Variants in TBC1D22A observed in about 807,000 individuals in gnomAD.
TBC1D22A encodes putative GTPase activator.
TBC1D22A carries 38 observed loss-of-function variants against 60.2 expected under a neutral mutation model. The observed-to-expected ratio is 0.63, with a 90% CI of 0.49 to 0.83. The LOEUF (loss-of-function observed/expected upper bound fraction) is 0.83, where lower values mean the gene tolerates loss of function less well. Among genes scored for constraint, TBC1D22A ranks in the 40% least tolerant of loss-of-function variants. TBC1D22A has a pLI of 0.00. For synonymous variants in TBC1D22A, 302 were observed against 281.7 expected (o/e 1.07, Z -0.72); for missense variants, 628 against 701.0 (o/e 0.90, Z 1.18).
intron 12 of TBC1D22A, among the ~76,000 whole-genome samples, chr22:47,135,518 C>T (rs1246440441): frequency 1.3e-5 from 2 of 152,100 alleles, no homozygotes; most frequent in Non-Finnish European, 2.9e-5. Context: ...TTGGGCACTG[C>T]AGAGAGTTCC....
intron 11 of TBC1D22A, among the ~76,000 whole-genome samples, chr22:47,076,364 TATATATATATATATATAC>T (rs1184350313): frequency 1.1e-5 from 1 of 94,784 alleles, no homozygotes; most frequent in Non-Finnish European, 2.0e-5. Context: ...TGTGTGTGTA[TATATATATATATATATAC>T]ACACACACAC....
chr22:46,881,665 G>C lies in TBC1D22A; in HGVS notation c.708+2942G>C, dbSNP rs866131554. 3.9e-5 allele frequency among the ~76,000 whole-genome samples: 6 copies of C among 152,352 alleles called. 1 individual carries two copies. In the Middle Eastern group the frequency reaches 0.014, roughly 345 times the overall value. ...TTGGCAGGCTCTTGGGAGGGGACTA[G>C]AGCTGGGACAGGAAGAACTGGGAAG... On this transcript the variant is annotated intron_variant, in intron 5 of 12. Transcript: ENST00000337137.
At chr22:46,930,530 A>G (rs1190649778) in intron 8 of TBC1D22A, among the ~76,000 whole-genome samples, 6 of 151,986 alleles carry the variant, frequency 3.9e-5, no homozygotes, top group East Asian at 1.9e-4. Flanking sequence ...ATCTTGGCTC[A>G]CTGCAAGCTC....
At position 46,853,787 on chromosome 22, in the gene TBC1D22A, G is replaced by A. The variant is rs143681695; in HGVS notation, c.638-24866G>A. Among the ~76,000 whole-genome samples the A allele has an allele frequency of 4.0e-3, 614 of 152,136 alleles. 7 individuals are homozygous for A. Among genetic ancestry groups the A allele is most frequent in the African/African-American group, 0.014 (569 of 41,496 alleles). On this transcript the variant is annotated intron_variant, in intron 4 of 12. Transcript: ENST00000337137. ...GAGCACTCACTCGAGGCAGGGCCTC[G>A]TCCTCTGGGCCCTGGAGACTCAGCA...
chr22:46,768,498 A>G (rs2146685704), intron 1 of TBC1D22A, among the ~76,000 whole-genome samples: 1 of 150,586 alleles, frequency 6.6e-6, no homozygotes, highest in Non-Finnish European at 1.5e-5. Context: ...AAAAAAAAAA[A>G]AAAAAAAAAA....
Position 47,058,453 on chromosome 22 carries a change from G to A in TBC1D22A, c.1329+21255G>A, listed in dbSNP as rs77098374. ...CAGCCCCACCGTCCTTCCTCTTCCC[G>A]GCTCCTTGTGGTGGTTATGACCACC... On this transcript the variant is annotated intron_variant, in intron 11 of 12. Coordinates refer to ENST00000337137, the MANE Select transcript of TBC1D22A (RefSeq NM_014346.5). 7.2e-3 allele frequency among the ~76,000 whole-genome samples: 1,100 copies of A among 152,118 alleles called. 19 individuals carry two copies. The highest frequency in any genetic ancestry group is 0.025 in the African/African-American group (1,035 of 41,484).
chr22:46,958,385 C>G (rs1320798680), intron 8 of TBC1D22A, among the ~76,000 whole-genome samples: 1 of 152,166 alleles, frequency 6.6e-6, no homozygotes, highest in African/African-American at 2.4e-5. Flanking sequence ...AGCCTGTATC[C>G]TCTCTGCACC....
intron 8 of TBC1D22A, among the ~76,000 whole-genome samples, chr22:46,957,565 C>T (rs1162560954): frequency 6.6e-6 from 1 of 152,214 alleles, no homozygotes; most frequent in East Asian, 1.9e-4. Context: ...CCTCCCTGAA[C>T]ACGTGGGGAT....
intron 6 of TBC1D22A, among the ~76,000 whole-genome samples, chr22:46,891,977 TAGTC>T (rs1284295045): frequency 2.0e-5 from 3 of 152,202 alleles, no homozygotes; most frequent in Non-Finnish European, 4.4e-5. Flanking sequence ...GTTTCTTAAA[TAGTC>T]AGTTGACAGA....
At chr22:47,087,097 G>A (rs898517493) in intron 11 of TBC1D22A, among the ~76,000 whole-genome samples, 5 of 152,238 alleles carry the variant, frequency 3.3e-5, no homozygotes, top group Admixed American at 1.3e-4. Context: ...GTGCAGAACT[G>A]TGTGTGTCAT....
At chr22:46,963,058 CAA>C (rs770317078) in intron 8 of TBC1D22A, among the ~76,000 whole-genome samples, 2 of 136,624 alleles carry the variant, frequency 1.5e-5, no homozygotes, top group African/African-American at 2.7e-5. Context: ...ACTAAAAATA[CAA>C]AAAAAAAAAA....
In TBC1D22A at chr22:46,772,112, T is replaced by C. The variant is rs543610386; in HGVS notation, c.62+9264T>C. On this transcript the variant is annotated intron_variant, in intron 1 of 12. Transcript: ENST00000337137. ...ATGTATACACACATATACATATATA[T>C]GTATACACACATATACATATATATG... Among the ~76,000 whole-genome samples the C allele has an allele frequency of 5.2e-4, 61 of 116,284 alleles. 1 individual carries two copies. Among genetic ancestry groups the C allele is most frequent in the African/African-American group, 1.9e-3 (58 of 30,338 alleles). The allele number at this position is 116,284 out of a possible 152,430, so 76.3% of individuals were successfully genotyped here. A position where few individuals can be genotyped will look rare whatever the true frequency, so the allele number is the denominator to read the frequency against.
intron 8 of TBC1D22A, among the ~76,000 whole-genome samples, chr22:46,957,574 A>G (rs1485857961): frequency 2.6e-5 from 4 of 152,164 alleles, no homozygotes; most frequent in African/African-American, 9.7e-5. Context: ...ACACGTGGGG[A>G]TTACAATTGG....
chr22:47,071,333 T>C (rs927370272), intron 11 of TBC1D22A, among the ~76,000 whole-genome samples: 2 of 152,006 alleles, frequency 1.3e-5, no homozygotes, highest in African/African-American at 4.8e-5. Context: ...GGAAAAGAGG[T>C]TTTGTGCCTG....
chr22:47,100,199 G>A lies in TBC1D22A; in HGVS notation c.1330-11309G>A, dbSNP rs1360324287. 3.9e-5 allele frequency among the ~76,000 whole-genome samples: 6 copies of A among 152,302 alleles called. No individual in the cohort carries two copies. The East Asian group carries it at 9.7e-4, about 25-fold the overall frequency. Reference sequence around the variant, plus strand: ...TCACACAGTGCCATGCAGGGGTGAGGCGTCAGGGCACAGGGGTGAGGTGTC... The same window carrying A: ...TCACACAGTGCCATGCAGGGGTGAGACGTCAGGGCACAGGGGTGAGGTGTC... On this transcript the variant is annotated intron_variant, in intron 11 of 12. Coordinates refer to ENST00000337137, the MANE Select transcript of TBC1D22A (RefSeq NM_014346.5).
intron 1 of TBC1D22A, among the ~76,000 whole-genome samples, chr22:46,778,789 A>G (rs2083812652): frequency 7.3e-6 from 1 of 137,302 alleles, no homozygotes; most frequent in African/African-American, 2.7e-5. Context: ...TAATCCTGTA[A>G]TCCCAGCACT....
In TBC1D22A at chr22:46,990,980, T is replaced by G. The variant is rs2074918055; in HGVS notation, c.1126-6654T>G. On this transcript the variant is annotated intron_variant, in intron 9 of 12. Transcript: ENST00000337137. The surrounding 1 kb of genome is among the most constrained non-coding windows in gnomAD (Gnocchi z 4.6). ...GAGGCACTGGTTCCTCTGGCCTGGC[T>G]GGGTTGGGAGCCTTCAGCCTTAAAC... is the stretch of plus-strand genomic sequence containing the variant. Among the ~76,000 whole-genome samples the G allele has an allele frequency of 6.6e-6, 1 of 152,186 alleles. No individual in the cohort carries two copies. The highest frequency in any genetic ancestry group is 2.4e-5 in the African/African-American group (1 of 41,444).
chr22:47,159,149 TCA>T (rs1313961093), intron 12 of TBC1D22A, among the ~76,000 whole-genome samples: 6 of 142,294 alleles, frequency 4.2e-5, no homozygotes, highest in Non-Finnish European at 7.5e-5. Context: ...TGTACACACA[TCA>T]CACACACCAT....
chr22:46,842,583 A>T (rs538262227), intron 4 of TBC1D22A, among the ~76,000 whole-genome samples: 35 of 152,360 alleles, frequency 2.3e-4, no homozygotes, highest in African/African-American at 8.4e-4. Context: ...GTTTTCGTGG[A>T]GGTAATATTT....
Sources: gnomAD v4.1 joint callset for allele counts (sites outside exome capture counted in the v4.1 genomes callset) on GRCh38, gnomAD v4.1.1 for gene constraint, Gnocchi (gnomAD v3.1) non-coding constraint, MANE v1.5 for transcripts, NCBI Gene and HGNC (gene_info 2026-07-23, HGNC 2026-07-21) for gene names.